PKP4: variants seen among roughly 807,000 people sequenced by gnomAD.
PKP4 encodes the protein plakophilin-4.
PKP4 carries 90 observed loss-of-function variants against 145.1 expected under a neutral mutation model. The observed-to-expected ratio is 0.62, with a 90% CI of 0.52 to 0.74. The LOEUF (loss-of-function observed/expected upper bound fraction) is 0.74, where lower values mean the gene tolerates loss of function less well. Among genes scored for constraint, PKP4 ranks in the 30% least tolerant of loss-of-function variants. The pLI is 0.00. For synonymous variants in PKP4, 563 were observed against 577.2 expected (o/e 0.98, Z 0.35); for missense variants, 1,340 against 1,482.7 (o/e 0.90, Z 1.58).
chr2:158,648,289 A>G (rs866291041), intron 11 of PKP4, among the ~76,000 whole-genome samples: 4 of 152,316 alleles, frequency 2.6e-5, no homozygotes, highest in Middle Eastern at 3.4e-3. Context: ...ACATGAAATG[A>G]AGTGTATTGT....
chr2:158,658,369 G>A (rs1188209671), intron 12 of PKP4, 55 bp downstream of exon 12: 14 of 1,088,656 alleles, frequency 1.3e-5, no homozygotes, highest in Admixed American at 4.8e-5. Context: ...ATGTGTCATA[G>A]GTAAATTGAT....
At chr2:158,522,935 C>T (rs543918123) in intron 1 of PKP4, among the ~76,000 whole-genome samples, 150 of 152,298 alleles carry the variant, frequency 9.8e-4, no homozygotes, top group Non-Finnish European at 1.6e-3. Context: ...GCTTAAAAAA[C>T]GGCGCACCAC....
chr2:158,518,008 T>A (rs1284670469), intron 1 of PKP4, among the ~76,000 whole-genome samples: 1 of 152,244 alleles, frequency 6.6e-6, no homozygotes, highest in Non-Finnish European at 1.5e-5. Context: ...CCCCGTCATC[T>A]ATCTTGATGG....
At position 158,577,365 on chromosome 2, in the gene PKP4, C is replaced by G. The variant is rs2047944135; in HGVS notation, c.227C>G (p.Pro76Arg). Residue 76 changes from proline (P) to arginine (R), a missense_variant, in exon 3 of 22, where the codon CCA becomes CGA. Transcript: ENST00000389759. ...LERCRLGAESPSIASTSSTEK... is the reference protein window; with the variant it reads ...LERCRLGAESRSIASTSSTEK... Reference sequence around the variant, plus strand: ...AGATGTAGGCTTGGAGCAGAATCACCAAGCATCGCCAGCACCAGGTACAGG... The same window carrying G: ...AGATGTAGGCTTGGAGCAGAATCACGAAGCATCGCCAGCACCAGGTACAGG... 7 of 1,611,418 alleles carry G rather than the reference C, an allele frequency of 4.3e-6. No homozygotes were observed. Among genetic ancestry groups the G allele is most frequent in the Non-Finnish European group, 5.9e-6 (7 of 1,178,246 alleles).
At chr2:158,577,195 A>G (rs2047925221) in intron 2 of PKP4, 76 bp from the exon 3 acceptor site, 1 of 843,330 alleles carries the variant, frequency 1.2e-6, no homozygotes, top group Non-Finnish European at 1.9e-6. Flanking sequence ...GTTTCCTGTG[A>G]CATACATTAA....
At chr2:158,576,398 A>T (rs189571883) in intron 2 of PKP4, among the ~76,000 whole-genome samples, 12 of 152,336 alleles carry the variant, frequency 7.9e-5, no homozygotes, top group African/African-American at 2.6e-4. Flanking sequence ...ACTTGTGAGG[A>T]GACAGTATGG....
At chr2:158,574,739 TGAGAAGTTGTGGGCACGTAATAG>T (rs1396620649) in intron 2 of PKP4, among the ~76,000 whole-genome samples, 1 of 152,198 alleles carries the variant, frequency 6.6e-6, no homozygotes, top group Non-Finnish European at 1.5e-5. Flanking sequence ...GTACTACTTG[TGAGAAGTTGTGGGCACGTAATAG>T]GTTGAATGGT....
At position 158,655,766 on chromosome 2, in the gene PKP4, G is replaced by A. The variant is rs193053361; in HGVS notation, c.1910-2365G>A. Among the ~76,000 whole-genome samples, 560 of 152,312 alleles carry A rather than the reference G, an allele frequency of 3.7e-3. 4 individuals carry two copies. Among genetic ancestry groups the A allele is most frequent in the African/African-American group, 0.013 (543 of 41,568 alleles). ...TGAAACTGTCAGCAGGGGAGCTTAG[G>A]GAGTCACCCTTTTCCCACTGATGAC... is the stretch of plus-strand genomic sequence containing the variant. On this transcript the variant is annotated intron_variant, in intron 11 of 21. Coordinates refer to ENST00000389759, the MANE Select transcript of PKP4 (RefSeq NM_003628.6).
At chr2:158,599,164 A>G (rs758673989) in intron 3 of PKP4, among the ~76,000 whole-genome samples, 5 of 152,224 alleles carry the variant, frequency 3.3e-5, no homozygotes, top group Non-Finnish European at 2.9e-5. Flanking sequence ...AAAAAATCGC[A>G]GTAGTAGCAG....
At chr2:158,611,456 A>C (rs1266416128) in intron 4 of PKP4, among the ~76,000 whole-genome samples, 2 of 152,204 alleles carry the variant, frequency 1.3e-5, no homozygotes, top group Non-Finnish European at 2.9e-5. Context: ...TTTAAAAAAT[A>C]AAAATAAAAA....
At chr2:158,636,705 C>CT (rs2053841492) in intron 9 of PKP4, among the ~76,000 whole-genome samples, 1 of 151,946 alleles carries the variant, frequency 6.6e-6, no homozygotes, top group African/African-American at 2.4e-5. Context: ...TTTTTTAAAT[C>CT]TTTTTTCCCT....
intron 2 of PKP4, among the ~76,000 whole-genome samples, chr2:158,571,747 G>A (rs1219080841): frequency 6.6e-6 from 1 of 152,168 alleles, no homozygotes; most frequent in Admixed American, 6.5e-5. Context: ...CATCAGTGAG[G>A]ACTTAATGAG....
intron 3 of PKP4, among the ~76,000 whole-genome samples, chr2:158,602,758 A>G (rs1021369371): frequency 6.6e-6 from 1 of 152,110 alleles, no homozygotes; most frequent in Admixed American, 6.5e-5. Flanking sequence ...TGTGGTTTTC[A>G]TATTATCACG....
intron 1 of PKP4, among the ~76,000 whole-genome samples, chr2:158,516,435 T>C (rs2041944491): frequency 6.6e-6 from 1 of 152,194 alleles, no homozygotes; most frequent in South Asian, 2.1e-4. Context: ...GGAGCACACT[T>C]TGAGAATTTT....
At chr2:158,491,018 C>T (rs915853954) in intron 1 of PKP4, among the ~76,000 whole-genome samples, 3 of 152,174 alleles carry the variant, frequency 2.0e-5, no homozygotes. Flanking sequence ...TAAATCATTA[C>T]ATAAATGTTG....
intron 1 of PKP4, among the ~76,000 whole-genome samples, chr2:158,473,791 A>C (rs1691998018): frequency 6.6e-6 from 1 of 152,182 alleles, no homozygotes; most frequent in African/African-American, 2.4e-5. Flanking sequence ...TGTACCCCTG[A>C]ACCTAAAAGT....
At chr2:158,570,103 ATCAG>A (rs1300691951) in intron 2 of PKP4, among the ~76,000 whole-genome samples, 1 of 152,222 alleles carries the variant, frequency 6.6e-6, no homozygotes, top group African/African-American at 2.4e-5. Flanking sequence ...ATAATGGTTT[ATCAG>A]TTATTAAGTA....
intron 1 of PKP4, among the ~76,000 whole-genome samples, chr2:158,518,283 A>C: frequency 6.6e-6 from 1 of 152,214 alleles, no homozygotes. Flanking sequence ...GTCACAGCTT[A>C]GTGATCTCAG....
rs746037916 is a variant in PKP4, at chr2:158,533,310, G to A, written c.126G>A (p.Lys42=). The change falls in exon 2 of 22, where the codon AAG becomes AAA. Residue 42 remains lysine, a synonymous_variant. Coordinates refer to ENST00000389759, the MANE Select transcript of PKP4 (RefSeq NM_003628.6). The stretch of plus-strand genomic sequence containing the variant: ...CCACCACTATTCTAGCATCCGTGAA[G>A]GAGCAGGTACATCCTCGTATTGAAA... The part of the protein sequence containing the change: ...TTATTILASV[K]EQELQFQRLT... 1.9e-6 allele frequency: 3 copies of A among 1,614,132 alleles called. No individual in the cohort carries two copies. Among genetic ancestry groups the A allele is most frequent in the Non-Finnish European group, 2.5e-6 (3 of 1,180,002 alleles).
Sources: allele counts gnomAD v4.1 joint callset (sites outside exome capture counted in the v4.1 genomes callset), GRCh38; gene constraint gnomAD v4.1.1; transcripts MANE v1.5; gene names NCBI Gene and HGNC (gene_info 2026-07-23, HGNC 2026-07-21).